Variants in POU2F1 observed in about 807,000 individuals in gnomAD.
The protein encoded by POU2F1 is POU domain, class 2, transcription factor 1.
POU2F1 carries 16 observed loss-of-function variants against 84.9 expected under a neutral mutation model. That is an observed-to-expected ratio of 0.19 (90% confidence interval 0.13 to 0.29). The LOEUF is 0.29. POU2F1 is among the 10% of genes least tolerant of loss of function. The pLI is 1.00. For missense variants in POU2F1, 738 were observed against 942.6 expected (o/e 0.78, Z 2.84); for synonymous variants, 368 against 368.3 (o/e 1.00, Z 0.01).
intron 9 of POU2F1, among the ~76,000 whole-genome samples, chr1:167,394,218 G>T (rs1648640049): frequency 6.6e-6 from 1 of 151,758 alleles, no homozygotes; most frequent in African/African-American, 2.4e-5. Flanking sequence ...CGGGGGTTTT[G>T]CCATGTTGGC....
intron 3 of POU2F1, among the ~76,000 whole-genome samples, chr1:167,366,964 T>C (rs1659717307): frequency 6.6e-6 from 1 of 152,092 alleles, no homozygotes; most frequent in South Asian, 2.1e-4. Context: ...GATGTGCAGT[T>C]TTCTCTGCAG....
chr1:167,318,832 T>TG (rs781240694), intron 1 of POU2F1, among the ~76,000 whole-genome samples: 24 of 152,068 alleles, frequency 1.6e-4, no homozygotes, highest in East Asian at 3.9e-4. Flanking sequence ...ATACCTCCAC[T>TG]GGGGGGGTCC....
intron 1 of POU2F1, among the ~76,000 whole-genome samples, chr1:167,330,228 C>T (rs930563818): frequency 2.0e-5 from 3 of 152,066 alleles, no homozygotes; most frequent in African/African-American, 7.2e-5. Flanking sequence ...TGACTTTTTT[C>T]CTATATTGTC....
chr1:167,302,900 C>A (rs2102573347), intron 1 of POU2F1, among the ~76,000 whole-genome samples: 1 of 152,226 alleles, frequency 6.6e-6, no homozygotes, highest in South Asian at 2.1e-4. Flanking sequence ...ATTCTGAGGC[C>A]TCATGACAAA....
chr1:167,269,450 TTTTA>T (rs1206615009), intron 1 of POU2F1, among the ~76,000 whole-genome samples: 2 of 152,168 alleles, frequency 1.3e-5, no homozygotes, highest in Non-Finnish European at 2.9e-5. Context: ...GGGACTAAGG[TTTTA>T]TTTATTTATA....
At chr1:167,269,828 C>T (rs533440736) in intron 1 of POU2F1, among the ~76,000 whole-genome samples, 5 of 150,654 alleles carry the variant, frequency 3.3e-5, no homozygotes, top group Admixed American at 2.0e-4. Context: ...ACAGGAGAAG[C>T]ACTTGAACCT....
chr1:167,304,312 T>C (rs1296694583), intron 1 of POU2F1, among the ~76,000 whole-genome samples: 1 of 152,228 alleles, frequency 6.6e-6, no homozygotes, highest in African/African-American at 2.4e-5. Context: ...TATTATTTTA[T>C]TTAAGCCTAC....
intron 13 of POU2F1, 96 bp downstream of exon 13, chr1:167,401,652 A>T: frequency 1.5e-6 from 1 of 652,748 alleles, no homozygotes; most frequent in Non-Finnish European, 2.3e-6. Flanking sequence ...TTAAGGCCCT[A>T]ACTAAAGATA....
chr1:167,328,132 A>G (rs1451901746), intron 1 of POU2F1, among the ~76,000 whole-genome samples: 3 of 152,222 alleles, frequency 2.0e-5, no homozygotes, highest in African/African-American at 7.2e-5. Flanking sequence ...TAATTCCACA[A>G]TTTACATGGC....
At chr1:167,228,081 G>A (rs956862221) in intron 1 of POU2F1, among the ~76,000 whole-genome samples, 32 of 152,296 alleles carry the variant, frequency 2.1e-4, no homozygotes, top group African/African-American at 5.5e-4. Context: ...TGTAGAAGGC[G>A]AGACTTTTAA....
At chr1:167,414,098 C>A (rs1320969068) in intron 15 of POU2F1, among the ~76,000 whole-genome samples, 1 of 152,096 alleles carries the variant, frequency 6.6e-6, no homozygotes, top group Non-Finnish European at 1.5e-5. Context: ...GGTAATATCT[C>A]TAACAGTGTA....
intron 13 of POU2F1, among the ~76,000 whole-genome samples, chr1:167,408,704 A>G (rs984575565): frequency 2.0e-5 from 3 of 152,218 alleles, no homozygotes; most frequent in Non-Finnish European, 4.4e-5. Context: ...ACATGATTAC[A>G]AACAGGCACA....
intron 10 of POU2F1, chr1:167,396,839 C>T: frequency 6.5e-6 from 1 of 154,314 alleles, no homozygotes; most frequent in Non-Finnish European, 1.4e-5. Context: ...TTTCAAATGA[C>T]CACACATTTC....
chr1:167,295,098 G>A (rs1325556435), intron 1 of POU2F1, among the ~76,000 whole-genome samples: 1 of 151,702 alleles, frequency 6.6e-6, no homozygotes, highest in Non-Finnish European at 1.5e-5. Context: ...CTCCAGCCTC[G>A]GTGATAGAGC....
intron 1 of POU2F1, among the ~76,000 whole-genome samples, chr1:167,259,964 C>T (rs528630684): frequency 9.9e-5 from 15 of 151,906 alleles, no homozygotes; most frequent in South Asian, 4.2e-4. Flanking sequence ...CTGCAAGCTT[C>T]GCCTTCTGGG....
chr1:167,258,296 G>T (rs1292855667), intron 1 of POU2F1, among the ~76,000 whole-genome samples: 1 of 152,174 alleles, frequency 6.6e-6, no homozygotes, highest in Non-Finnish European at 1.5e-5. Flanking sequence ...TGGAGGGAGT[G>T]ACTGAAAGAC....
In POU2F1 at chr1:167,412,324, C is replaced by T; in HGVS notation, c.1901+20C>T. ...GGCTGGGTAAGGCGCTTTCTCATCTCATTCACGTCTGAGGTGGAGGTCATC... is the reference window on the plus strand; with the variant it reads ...GGCTGGGTAAGGCGCTTTCTCATCTTATTCACGTCTGAGGTGGAGGTCATC... On this transcript the variant is annotated intron_variant, in intron 14 of 15. Coordinates refer to ENST00000367866, the MANE Select transcript of POU2F1 (RefSeq NM_002697.4). 6.6e-7 allele frequency: 1 copy of T among 1,510,728 alleles called. No homozygotes were observed. The allele number at this position is 1,510,728 out of a possible 1,614,324, so 93.6% of individuals were successfully genotyped here.
At chr1:167,325,959 A>C in intron 1 of POU2F1, among the ~76,000 whole-genome samples, 1 of 151,384 alleles carries the variant, frequency 6.6e-6, no homozygotes, top group African/African-American at 2.4e-5. Context: ...CCCCTCTTTT[A>C]GAAAATAAAA....
intron 1 of POU2F1, among the ~76,000 whole-genome samples, chr1:167,280,704 G>C (rs903226509): frequency 4.6e-5 from 7 of 152,068 alleles, no homozygotes; most frequent in South Asian, 4.1e-4. Context: ...AACTTCTTTT[G>C]CATGGTCTTT....
Sources: allele counts gnomAD v4.1 joint callset (sites outside exome capture counted in the v4.1 genomes callset), GRCh38; gene constraint gnomAD v4.1.1; transcripts MANE v1.5; gene names NCBI Gene and HGNC (gene_info 2026-07-23, HGNC 2026-07-21).